The following NEXN variants were observed in gnomAD, a reference collection of about 807,000 sequenced individuals.
The protein encoded by NEXN is nexilin.
A neutral mutation model predicts 92.6 loss-of-function variants in NEXN; 65 were observed. The ratio of observed to expected loss-of-function variants is 0.70; its 90% CI spans 0.57 to 0.86. The LOEUF (loss-of-function observed/expected upper bound fraction) is 0.86. NEXN is among the 40% of genes least tolerant of loss of function. The pLI, the probability that NEXN is intolerant of heterozygous loss-of-function variation, is 0.00. For missense variants in NEXN, 778 were observed against 771.1 expected (o/e 1.01, Z -0.11); for synonymous variants, 254 against 242.5 (o/e 1.05, Z -0.44).
At chr1:77,913,320 CAGG>C (rs1046580683) in intron 1 of NEXN, among the ~76,000 whole-genome samples, 5 of 151,562 alleles carry the variant, frequency 3.3e-5, no homozygotes, top group Admixed American at 2.6e-4. Flanking sequence ...GAGGCTGAGA[CAGG>C]AGAATTGCTT....
chr1:77,941,970 T>C (rs1651354412), intron 11 of NEXN, 53 bp from the exon 12 acceptor site: 1 of 1,554,658 alleles, frequency 6.4e-7, no homozygotes, highest in African/African-American at 1.4e-5. Flanking sequence ...CTAGTAACGC[T>C]TCTTTGTTTT....
At chr1:77,891,003 C>A (rs1308076393) in intron 1 of NEXN, among the ~76,000 whole-genome samples, 1 of 152,056 alleles carries the variant, frequency 6.6e-6, no homozygotes, top group Admixed American at 6.5e-5. Context: ...AATCTGCGGT[C>A]CATATCACCT....
At chr1:77,899,647 TATAATA>T (rs575721043) in intron 1 of NEXN, among the ~76,000 whole-genome samples, 1 of 150,988 alleles carries the variant, frequency 6.6e-6, no homozygotes, top group Admixed American at 6.6e-5. Context: ...AAACTTAAAA[TATAATA>T]ATAATAAAAT....
At position 77,943,162 on chromosome 1, in the gene NEXN, T is replaced by C; in HGVS notation, c.*333T>C. The C allele has an allele frequency of 2.9e-6, 1 of 343,156 alleles. No homozygotes were observed. Among genetic ancestry groups the C allele is most frequent in the East Asian group, 7.2e-5 (1 of 13,982 alleles). 21.3% of individuals were successfully genotyped at this position (343,156 alleles called of 1,614,324 possible). On this transcript the variant is annotated 3_prime_UTR_variant, in exon 13 of 13. Transcript: ENST00000334785. ...GTACTTATGGGGGGGAATTACTCAA[T>C]TATTCTATCAGAACCTATTATAAAG...
rs530666449 is a variant in NEXN at position 77,943,038 on chromosome 1, A to G, written c.*209A>G. On this transcript the variant is annotated 3_prime_UTR_variant, in exon 13 of 13. Transcript: ENST00000334785. The stretch of plus-strand genomic sequence containing the variant: ...CTATGCTGACTTCTTATTCCTTTTC[A>G]TAACAGTCTTCAAAGCACAGCTCAT... 189 of 611,278 alleles carry G rather than the reference A, an allele frequency of 3.1e-4. No homozygotes were observed. Among genetic ancestry groups the G allele is most frequent in the Middle Eastern group, 9.3e-4 (2 of 2,146 alleles). 37.9% of individuals were successfully genotyped at this position (611,278 alleles called of 1,614,324 possible).
intron 1 of NEXN, among the ~76,000 whole-genome samples, chr1:77,898,579 A>G (rs190491681): frequency 8.1e-4 from 124 of 152,338 alleles, no homozygotes; most frequent in African/African-American, 2.9e-3. Flanking sequence ...CCTAGGCAAT[A>G]CCATTCAGGA....
Position 77,942,042 on chromosome 1 carries a change from G to A in NEXN, c.1493G>A (p.Arg498Lys), listed in dbSNP as rs1217078373. 1.9e-6 allele frequency: 3 copies of A among 1,613,020 alleles called. No individual in the cohort carries two copies. Among genetic ancestry groups the A allele is most frequent in the Admixed American group, 3.3e-5 (2 of 59,938 alleles). ...NFHEEDDVDV[R>K]PARKSEAPFT... ...TTGCAGGAAGATGATGTTGATGTTA[G>A]GCCTGCAAGAAAAAGCGAGGCTCCA... The change falls in exon 12 of 13, where the codon AGG becomes AAG. Residue 498 changes from arginine (R) to lysine (K), a missense_variant. This residue lies in a region of NEXN where 532 missense variants were observed against 476.7 expected (regional missense o/e 1.12). Transcript: ENST00000334785.
chr1:77,908,551 C>A (rs1251461919), intron 1 of NEXN, among the ~76,000 whole-genome samples: 1 of 151,964 alleles, frequency 6.6e-6, no homozygotes, highest in African/African-American at 2.4e-5. Context: ...CAGGCATGTG[C>A]CACCACTCCT....
At chr1:77,922,171 GCT>G (rs1261687063) in intron 5 of NEXN, among the ~76,000 whole-genome samples, 7 of 138,802 alleles carry the variant, frequency 5.0e-5, no homozygotes, top group Non-Finnish European at 1.1e-4. Flanking sequence ...ATGGAGTCTC[GCT>G]CTGTCACCCA....
rs1468478269 is a variant in NEXN at position 77,942,668 on chromosome 1, C to G, written c.1867C>G (p.Gln623Glu). 6.2e-7 allele frequency: 1 copy of G among 1,613,566 alleles called. No individual in the cohort carries two copies. Among genetic ancestry groups the G allele is most frequent in the African/African-American group, 1.3e-5 (1 of 74,864 alleles). Reference sequence around the variant, plus strand: ...ATGGTGGTTTGAAGGAGAAATACTGCAGGATGGAGAAGACTATCAATATAT... The same window carrying G: ...ATGGTGGTTTGAAGGAGAAATACTGGAGGATGGAGAAGACTATCAATATAT... ...ITWWFEGEIL[Q>E]DGEDYQYIER... Residue 623 changes from glutamine (Q) to glutamate (E), a missense_variant, in exon 13 of 13, where the codon CAG becomes GAG. Gln to Glu is a conservative substitution (Grantham distance 29, BLOSUM62 2). This residue lies in a region of NEXN where 532 missense variants were observed against 476.7 expected (regional missense o/e 1.12). Transcript: ENST00000334785.
chr1:77,937,386 T>A (rs965241334), intron 11 of NEXN, among the ~76,000 whole-genome samples: 1 of 149,646 alleles, frequency 6.7e-6, no homozygotes, highest in Non-Finnish European at 1.5e-5. Flanking sequence ...CTTAGATACA[T>A]GCATTAAAAA....
chr1:77,916,358 G>A lies in NEXN; in HGVS notation c.27+225G>A, dbSNP rs141063173. 1.7e-4 allele frequency among the ~76,000 whole-genome samples: 26 copies of A among 152,280 alleles called. No individual in the cohort carries two copies. In the East Asian group the frequency reaches 5.0e-3, roughly 29 times the overall value. On this transcript the variant is annotated intron_variant, in intron 2 of 12. Coordinates refer to ENST00000334785, the MANE Select transcript of NEXN (RefSeq NM_144573.4). ...TCTACAAAGCATGAGTAGTAAATTT[G>A]TGAATGATAGTGAAGTGGATGTGAT...
Position 77,935,976 on chromosome 1 carries a change from G to A in NEXN, c.1405G>A (p.Glu469Lys). Residue 469 changes from glutamate (E) to lysine (K), a missense_variant, in exon 11 of 13, where the codon GAA becomes AAA. Transcript: ENST00000334785. ...AAAAGAAATACAGAAAAAAATAGAA[G>A]AAGAGCGAGCAAGAAGGAGAGCAAT... ...SEKEIQKKIE[E>K]ERARRRAIDL... The A allele has an allele frequency of 6.2e-7, 1 of 1,613,948 alleles. No homozygotes were observed. The highest frequency in any genetic ancestry group is 2.2e-5 in the East Asian group (1 of 44,852).
Position 77,942,853 on chromosome 1 carries a change from A to G in NEXN, c.*24A>G, listed in dbSNP as rs1346596019. ...AATCACTCTTTTTATCTTTTATTCT[A>G]TTAATTTTTTTTTCCTTAAAATCAC... On this transcript the variant is annotated 3_prime_UTR_variant, in exon 13 of 13. Coordinates refer to ENST00000334785, the MANE Select transcript of NEXN (RefSeq NM_144573.4). The G allele has an allele frequency of 6.3e-7, 1 of 1,578,038 alleles. No homozygotes were observed. Among genetic ancestry groups the G allele is most frequent in the Non-Finnish European group, 8.6e-7 (1 of 1,159,070 alleles).
At chr1:77,936,901 T>A (rs1218710439) in intron 11 of NEXN, among the ~76,000 whole-genome samples, 1 of 152,250 alleles carries the variant, frequency 6.6e-6, no homozygotes, top group Non-Finnish European at 1.5e-5. Context: ...TTATTGGGAC[T>A]ATAAGCAATT....
intron 1 of NEXN, among the ~76,000 whole-genome samples, chr1:77,907,667 T>A (rs1648216440): frequency 6.6e-6 from 1 of 152,236 alleles, no homozygotes; most frequent in African/African-American, 2.4e-5. Context: ...AGTAAATTTT[T>A]AAAATCAATT....
At chr1:77,923,771 G>T (rs566516088) in intron 5 of NEXN, among the ~76,000 whole-genome samples, 1 of 149,376 alleles carries the variant, frequency 6.7e-6, no homozygotes, top group Non-Finnish European at 1.5e-5. Flanking sequence ...TCTGCCTCCC[G>T]GGTTCACACG....
intron 9 of NEXN, 121 bp downstream of exon 9, chr1:77,929,625 G>A (rs1650134374): frequency 7.4e-7 from 1 of 1,347,414 alleles, no homozygotes; most frequent in Non-Finnish European, 1.0e-6. Context: ...AGTAGAAATG[G>A]CAAATATGTT....
At chr1:77,935,763 G>A in intron 10 of NEXN, 60 bp from the exon 11 acceptor site, 1 of 1,489,804 alleles carries the variant, frequency 6.7e-7, no homozygotes, top group Non-Finnish European at 9.3e-7. Flanking sequence ...GGCCAGCCTT[G>A]GCAACATAGT....
Sources: gnomAD v4.1 joint callset for allele counts (sites outside exome capture counted in the v4.1 genomes callset) on GRCh38, gnomAD v4.1.1 for gene constraint, gnomAD v4.1.1 regional missense constraint, MANE v1.5 for transcripts, NCBI Gene and HGNC (gene_info 2026-07-23, HGNC 2026-07-21) for gene names.